ANKRD28: variants seen among roughly 807,000 people sequenced by gnomAD.
ANKRD28 encodes serine/threonine-protein phosphatase 6 regulatory ankyrin repeat subunit A.
A neutral mutation model predicts 126.5 loss-of-function variants in ANKRD28; 44 were observed. The ratio of observed to expected loss-of-function variants is 0.35; its 90% confidence interval spans 0.27 to 0.45. The LOEUF is 0.45. Ranked by LOEUF, ANKRD28 falls within the 20% of genes least tolerant of loss-of-function variation. ANKRD28 has a pLI of 1.00. For missense variants in ANKRD28, 1,110 were observed against 1,316.6 expected (o/e 0.84, Z 2.43); for synonymous variants, 442 against 468.5 (o/e 0.94, Z 0.73).
intron 18 of ANKRD28, chr3:15,689,775 T>C (rs2068576706): frequency 2.4e-6 from 1 of 411,510 alleles, no homozygotes; most frequent in African/African-American, 2.0e-5. Flanking sequence ...CTTGGGTTGA[T>C]ATAATACACT....
chr3:15,794,177 A>G (rs1417761428), intron 2 of ANKRD28, among the ~76,000 whole-genome samples: 2 of 152,210 alleles, frequency 1.3e-5, no homozygotes, highest in Non-Finnish European at 2.9e-5. Flanking sequence ...TAAAAAATAT[A>G]TAATGATAGC....
At chr3:15,672,287 G>A (rs2125594826) in intron 27 of ANKRD28, among the ~76,000 whole-genome samples, 2 of 152,008 alleles carry the variant, frequency 1.3e-5, no homozygotes, top group South Asian at 2.1e-4. Flanking sequence ...CTGACTATAG[G>A]CACATGCCAT....
At chr3:15,808,643 T>C (rs113707932) in intron 1 of ANKRD28, among the ~76,000 whole-genome samples, 6 of 152,344 alleles carry the variant, frequency 3.9e-5, no homozygotes, top group African/African-American at 1.2e-4. Flanking sequence ...TATCTTCTAA[T>C]AGACCTTACT....
chr3:15,742,958 G>A (rs1029874115), intron 4 of ANKRD28, among the ~76,000 whole-genome samples: 4 of 151,854 alleles, frequency 2.6e-5, no homozygotes, highest in Admixed American at 2.6e-4. Flanking sequence ...GGAAAGGATT[G>A]AGAAATCGGA....
intron 3 of ANKRD28, among the ~76,000 whole-genome samples, chr3:15,761,250 G>C (rs2058441947): frequency 6.6e-6 from 1 of 152,006 alleles, no homozygotes; most frequent in African/African-American, 2.4e-5. Flanking sequence ...ATACCTACCT[G>C]CTACTAAAAT....
At chr3:15,735,369 TA>T in intron 6 of ANKRD28, 40 bp downstream of exon 6, 1 of 1,445,338 alleles carries the variant, frequency 6.9e-7, no homozygotes. Flanking sequence ...ACAACTTTTC[TA>T]AATATATAAT....
At position 15,785,535 on chromosome 3, in the gene ANKRD28, T is replaced by C. The variant is rs376603681; in HGVS notation, c.201+9688A>G. Among the ~76,000 whole-genome samples the C allele has an allele frequency of 5.9e-4, 90 of 152,204 alleles. 1 individual carries two copies. The South Asian group carries it at 0.019, about 32-fold the overall frequency. On this transcript the variant is annotated intron_variant, in intron 2 of 27. Coordinates refer to ENST00000683139, the MANE Select transcript of ANKRD28 (RefSeq NM_001349278.2). ...AGACACCACTACGCACCTATTAGAA[T>C]GGTCAAAATCCAGAACACTGATAAC...
At chr3:15,681,255 T>C (rs777704218) in intron 21 of ANKRD28, among the ~76,000 whole-genome samples, 6 of 152,038 alleles carry the variant, frequency 3.9e-5, no homozygotes, top group Non-Finnish European at 5.9e-5. Context: ...TAGGGAATAA[T>C]GACAAAAAAA....
chr3:15,693,862 G>T (rs2069152098), intron 17 of ANKRD28, among the ~76,000 whole-genome samples: 1 of 152,122 alleles, frequency 6.6e-6, no homozygotes, highest in South Asian at 2.1e-4. Flanking sequence ...ATATGTCAGT[G>T]TTAAAACACC....
chr3:15,718,249 C>T (rs2073301030), intron 8 of ANKRD28, among the ~76,000 whole-genome samples: 1 of 152,144 alleles, frequency 6.6e-6, no homozygotes, highest in Admixed American at 6.5e-5. Flanking sequence ...TGGACAATTG[C>T]ATATAAATGA....
chr3:15,721,438 G>A (rs2073716385), intron 7 of ANKRD28, among the ~76,000 whole-genome samples: 1 of 152,094 alleles, frequency 6.6e-6, no homozygotes, highest in African/African-American at 2.4e-5. Context: ...TTTTAAAGGC[G>A]TTCTAGGTAA....
intron 11 of ANKRD28, 55 bp downstream of exon 11, chr3:15,712,085 A>C: frequency 1.5e-6 from 2 of 1,347,612 alleles, no homozygotes; most frequent in Non-Finnish European, 2.1e-6. Flanking sequence ...GAGACCATCT[A>C]AAAATTTTGA....
chr3:15,732,381 G>A (rs954156391), intron 6 of ANKRD28: 1 of 152,430 alleles, frequency 6.6e-6, no homozygotes, highest in African/African-American at 2.4e-5. Flanking sequence ...GAAGGGGCCA[G>A]AGCTGTATGT....
chr3:15,787,491 C>T (rs960990830), intron 2 of ANKRD28, among the ~76,000 whole-genome samples: 1 of 152,172 alleles, frequency 6.6e-6, no homozygotes, highest in African/African-American at 2.4e-5. Flanking sequence ...CCCATGCCTG[C>T]CCCCACCTTC....
chr3:15,681,637 A>G (rs1193148076), intron 21 of ANKRD28, among the ~76,000 whole-genome samples: 1 of 152,256 alleles, frequency 6.6e-6, no homozygotes, highest in Non-Finnish European at 1.5e-5. Flanking sequence ...CTCAAACTTA[A>G]TCAGCTTAAA....
chr3:15,769,994 T>G (rs2058921103), intron 2 of ANKRD28, among the ~76,000 whole-genome samples: 3 of 151,262 alleles, frequency 2.0e-5, no homozygotes, highest in Admixed American at 2.0e-4. Context: ...ACTGAACACC[T>G]GTCAGTGGAC....
intron 2 of ANKRD28, among the ~76,000 whole-genome samples, chr3:15,785,431 G>T (rs539383095): frequency 6.6e-6 from 1 of 152,138 alleles, no homozygotes; most frequent in East Asian, 1.9e-4. Flanking sequence ...CACCAAAGAA[G>T]ATATACAGAT....
rs950661922 is a variant in ANKRD28 at position 15,838,981 on chromosome 3, A to G, written c.27+20396T>C. ...ACATGAATGAACCTCAACAACATTT[A>G]TACCAAATTTTTAAAAGCCAGACAA... On this transcript the variant is annotated intron_variant, in intron 1 of 27. Transcript: ENST00000399451. This position sits in a 1 kb window ranked among gnomAD's most constrained non-coding sequence, Gnocchi z 4.0. Among the ~76,000 whole-genome samples, 4 of 152,212 alleles carry G rather than the reference A, an allele frequency of 2.6e-5. No homozygotes were observed. Among genetic ancestry groups the G allele is most frequent in the African/African-American group, 7.2e-5 (3 of 41,472 alleles).
rs2069359028 is a variant in ANKRD28, at chr3:15,695,212, A to G, written c.1662T>C (p.Ile554=). 3 of 1,584,762 alleles carry G rather than the reference A, an allele frequency of 1.9e-6. No individual in the cohort carries two copies. The highest frequency in any genetic ancestry group is 2.6e-6 in the Non-Finnish European group (3 of 1,162,338). ...CAACATCTAGAGGAGTTTCACTTGC[A>G]ATCTGAAATAAAAGTCAAAACAAAA... ...AYGHRLCLQL[I]ASETPLDVLM... Residue 554 remains isoleucine (I), a splice_region_variant and synonymous_variant, in exon 16 of 28, where the codon ATT becomes ATC. Transcript: ENST00000683139.
Sources: gnomAD v4.1 joint callset for allele counts (sites outside exome capture counted in the v4.1 genomes callset) on GRCh38, gnomAD v4.1.1 for gene constraint, Gnocchi (gnomAD v3.1) non-coding constraint, MANE v1.5 for transcripts, NCBI Gene and HGNC (gene_info 2026-07-23, HGNC 2026-07-21) for gene names.